The following MOCS2 variants were observed in gnomAD, a reference collection of about 807,000 sequenced individuals.
The protein encoded by MOCS2 is molybdenum cofactor synthesis 2.
MOCS2 carries 13 observed loss-of-function variants against 21.9 expected under a neutral mutation model. That is an observed-to-expected ratio of 0.59 (90% CI 0.39 to 0.94). The LOEUF is 0.94. MOCS2 is among the 40% of genes least tolerant of loss of function. MOCS2 has a pLI of 0.00. For missense variants in MOCS2, 227 were observed against 218.3 expected (o/e 1.04, Z -0.25); for synonymous variants, 92 against 80.8 (o/e 1.14, Z -0.74).
At position 53,101,502 on chromosome 5, in the gene MOCS2, T is replaced by G. The variant is rs956842759; in HGVS notation, c.234A>C (p.Thr78=). The change falls in exon 5 of 7, where the codon ACA becomes ACC. Residue 78 remains threonine, a synonymous_variant. Coordinates refer to ENST00000396954, the MANE Select transcript of MOCS2 (RefSeq NM_004531.5). The part of the protein sequence containing the change: ...CGAISLFVGT[T]RNNFEGKKVI... ...CTTTTTTCCCTTCAAAGTTATTTCT[T>G]GTAGTCCCTTTAAAAATGAAAAAAA... The G allele has an allele frequency of 1.9e-6, 3 of 1,598,338 alleles. No individual in the cohort carries two copies. In the African/African-American group the frequency reaches 4.0e-5, roughly 21 times the overall value.
rs545270303 is a variant in MOCS2, at chr5:53,109,706, C to G, written c.-625G>C. The G allele has an allele frequency of 3.5e-4, 547 of 1,553,380 alleles. 3 individuals carry two copies. Among genetic ancestry groups the G allele is most frequent in the Non-Finnish European group, 1.1e-4 (126 of 1,148,390 alleles). ...CCAGGCCCGCACGCACACCCGCCAC[C>G]CTTACCTGGCACAGCGGCACCATCC... On this transcript the variant is annotated 5_prime_UTR_variant, in exon 1 of 7. Transcript: ENST00000396954.
chr5:53,106,098 C>T (rs967046644), intron 3 of MOCS2, among the ~76,000 whole-genome samples: 2 of 149,968 alleles, frequency 1.3e-5, no homozygotes, highest in Non-Finnish European at 3.0e-5. Flanking sequence ...AAAAGGAATG[C>T]TTATACACTG....
At chr5:53,108,456 T>G (rs1199490143) in intron 2 of MOCS2, 66 bp downstream of exon 2, 1 of 1,440,302 alleles carries the variant, frequency 6.9e-7, no homozygotes. Context: ...CTTTTTACTT[T>G]TATCATTTAT....
chr5:53,105,148 A>T (rs1315696464), intron 3 of MOCS2, among the ~76,000 whole-genome samples: 1 of 152,120 alleles, frequency 6.6e-6, no homozygotes, highest in East Asian at 1.9e-4. Flanking sequence ...ATTAGCTGTG[A>T]AATTTTTCTA....
chr5:53,100,351 C>A (rs1317381479), intron 6 of MOCS2, 60 bp downstream of exon 6: 13 of 1,598,206 alleles, frequency 8.1e-6, no homozygotes, highest in Non-Finnish European at 1.0e-5. Context: ...GGGGATTTAT[C>A]TAAAAATTCC....
rs914319201 is a variant in MOCS2, at chr5:53,096,443, C to G, written c.*2159G>C. ...CTTACCTAGCAATCATGCAAAGTCA[C>G]GGCTTTAAAGTGACCAAGAAACACT... On this transcript the variant is annotated 3_prime_UTR_variant, in exon 7 of 7. Coordinates refer to ENST00000396954, the MANE Select transcript of MOCS2 (RefSeq NM_004531.5). The G allele has an allele frequency of 6.6e-6, 1 of 152,204 alleles. No homozygotes were observed. Among genetic ancestry groups the G allele is most frequent in the Non-Finnish European group, 1.5e-5 (1 of 68,040 alleles). The allele number at this position is 152,204 out of a possible 1,614,324, so 9.4% of individuals were successfully genotyped here.
Position 53,098,549 on chromosome 5 carries a change from C to A in MOCS2, c.*53G>T. On this transcript the variant is annotated 3_prime_UTR_variant, in exon 7 of 7. Transcript: ENST00000396954. ...GGAGAGAAAAAAATCAAAATGTGAT[C>A]AATAATAATAGTTTAACAAAGTTAA... 1 of 1,483,844 alleles carries A rather than the reference C, an allele frequency of 6.7e-7. No homozygotes were observed. The allele number at this position is 1,483,844 out of a possible 1,614,324, so 91.9% of individuals were successfully genotyped here.
intron 5 of MOCS2, chr5:53,100,980 A>C (rs963693070): frequency 1.2e-5 from 4 of 331,188 alleles, no homozygotes; most frequent in Admixed American, 9.3e-5. Flanking sequence ...AGAGTATGAT[A>C]GATACAGTCT....
rs1259833688 is a variant in MOCS2, at chr5:53,109,732, C to T, written c.-651G>A. 1.3e-6 allele frequency: 2 copies of T among 1,550,724 alleles called. No homozygotes were observed. Among genetic ancestry groups the T allele is most frequent in the East Asian group, 2.4e-5 (1 of 40,920 alleles). The stretch of plus-strand genomic sequence containing the variant: ...CTTACCTGGCACAGCGGCACCATCC[C>T]GCCTAGGACAGCGGGACCGAATCAC... On this transcript the variant is annotated 5_prime_UTR_variant, in exon 1 of 7. Transcript: ENST00000396954.
rs1479579221 is a variant in MOCS2, at chr5:53,096,737, A to G, written c.*1865T>C. 1 of 152,166 alleles carries G rather than the reference A, an allele frequency of 6.6e-6. No individual in the cohort carries two copies. The highest frequency in any genetic ancestry group is 2.4e-5 in the African/African-American group (1 of 41,428). 9.4% of individuals were successfully genotyped at this position (152,166 alleles called of 1,614,324 possible). Reference sequence around the variant, plus strand: ...TAACTCCTTAACCTCTCTGTTGGAGACTTTAAAAGCATAACAGTCTCAGTT... The same window carrying G: ...TAACTCCTTAACCTCTCTGTTGGAGGCTTTAAAAGCATAACAGTCTCAGTT... On this transcript the variant is annotated 3_prime_UTR_variant, in exon 7 of 7. Transcript: ENST00000396954.
chr5:53,101,634 C>T, intron 4 of MOCS2, 125 bp from the exon 5 acceptor site: 1 of 739,924 alleles, frequency 1.4e-6, no homozygotes, highest in African/African-American at 1.8e-5. Context: ...AGCAGCATAC[C>T]AATTCTTCTA....
chr5:53,108,385 G>T, intron 2 of MOCS2, 137 bp downstream of exon 2: 1 of 843,676 alleles, frequency 1.2e-6, no homozygotes, highest in Non-Finnish European at 1.8e-6. Context: ...TTTTTCAGGT[G>T]TTCCAAAAAA....
At chr5:53,108,816 A>G (rs1192188821) in intron 1 of MOCS2, among the ~76,000 whole-genome samples, 173 bp from the exon 2 acceptor site, 2 of 152,208 alleles carry the variant, frequency 1.3e-5, no homozygotes, top group African/African-American at 4.8e-5. Context: ...AATTCTGAAA[A>G]CTTGTTGTTT....
At chr5:53,099,209 T>C (rs77483676) in intron 6 of MOCS2, among the ~76,000 whole-genome samples, 5,083 of 152,302 alleles carry the variant, frequency 0.033, 129 homozygotes, top group East Asian at 0.074. Flanking sequence ...TCTGAACTCC[T>C]GCACTTCCTC....
chr5:53,100,805 G>T, intron 5 of MOCS2: 1 of 436,320 alleles, frequency 2.3e-6, no homozygotes, highest in Non-Finnish European at 4.2e-6. Context: ...CATTGATAGA[G>T]CAAACATCTG....
chr5:53,104,069 G>A (rs1740989882), intron 3 of MOCS2, among the ~76,000 whole-genome samples: 1 of 152,220 alleles, frequency 6.6e-6, no homozygotes, highest in Non-Finnish European at 1.5e-5. Flanking sequence ...AAGGCTCAGA[G>A]AAGTTAAGGA....
intron 2 of MOCS2, chr5:53,107,516 C>A (rs914849810): frequency 1.3e-5 from 5 of 384,968 alleles, no homozygotes. Flanking sequence ...ACACTCAAAC[C>A]AGGTCAAAAG....
chr5:53,101,440 G>C lies in MOCS2; in HGVS notation c.296C>G (p.Ala99Gly). 3 of 1,612,810 alleles carry C rather than the reference G, an allele frequency of 1.9e-6. No individual in the cohort carries two copies. The highest frequency in any genetic ancestry group is 2.5e-6 in the Non-Finnish European group (3 of 1,179,264). ...ACAAATCTTTCTGACTTCATTTTCC[G>C]CCATGGGTAGATATGCTTCATATTC... Reference protein sequence around the residue: ...SLEYEAYLPMAENEVRKICSD... With the variant: ...SLEYEAYLPMGENEVRKICSD... The change falls in exon 5 of 7, where the codon GCG becomes GGG. Residue 99 changes from alanine to glycine, a missense_variant. Transcript: ENST00000396954.
At chr5:53,100,801 T>C (rs1740889227) in intron 5 of MOCS2, 1 of 445,468 alleles carries the variant, frequency 2.2e-6, no homozygotes, top group South Asian at 2.2e-5. Flanking sequence ...CTTTCATTGA[T>C]AGAGCAAACA....
Sources: gnomAD v4.1 joint callset for allele counts (sites outside exome capture counted in the v4.1 genomes callset) on GRCh38, gnomAD v4.1.1 for gene constraint, MANE v1.5 for transcripts, NCBI Gene and HGNC (gene_info 2026-07-23, HGNC 2026-07-21) for gene names.